ATXN8OS: variants seen among roughly 807,000 people sequenced by gnomAD.
The protein encoded by ATXN8OS is ATXN8 opposite strand lncRNA.
intron 4 of ATXN8OS, among the ~76,000 whole-genome samples, chr13:70,160,849 ATATTTT>A (rs1218302206): frequency 6.9e-6 from 1 of 144,506 alleles, no homozygotes; most frequent in Non-Finnish European, 1.5e-5. Context: ...AAATATATTT[ATATTTT>A]ATGTCTCTTT....
upstream of ATXN8OS, chr13:70,107,519 C>T (rs781731142): frequency 6.2e-7 from 1 of 1,611,988 alleles, no homozygotes; most frequent in Admixed American, 1.7e-5. Flanking sequence ...CCGCTTCTCT[C>T]TTGGCTTTTG....
Position 70,136,592 on chromosome 13 carries a change from G to A in ATXN8OS, n.499+6708G>A, listed in dbSNP as rs79010687. Among the ~76,000 whole-genome samples the A allele has an allele frequency of 4.3e-3, 648 of 152,018 alleles. 4 individuals carry two copies. Among genetic ancestry groups the A allele is most frequent in the African/African-American group, 0.015 (613 of 41,502 alleles). On this transcript the variant is annotated intron_variant and non_coding_transcript_variant, in intron 3 of 4. Transcript: ENST00000678624. ...AATTTTAAAAATCTCCTCGTATTCA[G>A]GAAATCATCAAGACCGCTAGCAGGA...
intron 3 of ATXN8OS, chr13:70,139,513 C>T (rs997809353): frequency 3.8e-6 from 2 of 526,292 alleles, no homozygotes; most frequent in Non-Finnish European, 6.7e-6. Flanking sequence ...TACTGCTTAT[C>T]TCTTACTTAA....
chr13:70,148,358 A>G (rs570066302), intron 4 of ATXN8OS, among the ~76,000 whole-genome samples: 160 of 152,200 alleles, frequency 1.1e-3, no homozygotes, highest in Non-Finnish European at 2.0e-3. Flanking sequence ...GTCGGGTTGG[A>G]CTTGGCATCT....
chr13:70,135,612 T>C (rs2137487012), intron 3 of ATXN8OS, among the ~76,000 whole-genome samples: 1 of 151,686 alleles, frequency 6.6e-6, no homozygotes, highest in East Asian at 1.9e-4. Context: ...ATAATTTACA[T>C]GGGTCCATAT....
chr13:70,126,797 T>C (rs1198538014), intron 2 of ATXN8OS, among the ~76,000 whole-genome samples: 1 of 151,792 alleles, frequency 6.6e-6, no homozygotes, highest in Non-Finnish European at 1.5e-5. Flanking sequence ...TATCTAGATC[T>C]ATATCTACAA....
chr13:70,169,548 C>G (rs910521252), intron 4 of ATXN8OS, among the ~76,000 whole-genome samples: 4 of 152,060 alleles, frequency 2.6e-5, no homozygotes, highest in African/African-American at 9.7e-5. Context: ...CCCGCTCGGC[C>G]TCCCAAAGTG....
intron 4 of ATXN8OS, among the ~76,000 whole-genome samples, chr13:70,165,067 G>A (rs532635150): frequency 3.3e-5 from 5 of 151,828 alleles, no homozygotes; most frequent in African/African-American, 9.6e-5. Flanking sequence ...TGGATTTACA[G>A]GCTTCAAAAA....
intron 4 of ATXN8OS, among the ~76,000 whole-genome samples, chr13:70,161,845 T>C (rs561263880): frequency 6.6e-6 from 1 of 152,120 alleles, no homozygotes; most frequent in Non-Finnish European, 1.5e-5. Context: ...TTAATAATAG[T>C]GTTTCAATAT....
chr13:70,171,523 A>T (rs921571172), exon 5 of ATXN8OS, among the ~76,000 whole-genome samples: 1 of 152,162 alleles, frequency 6.6e-6, no homozygotes, highest in Non-Finnish European at 1.5e-5. Flanking sequence ...GCATCACCAC[A>T]AACACACCAG....
chr13:70,163,921 A>G (rs117727087), intron 4 of ATXN8OS, among the ~76,000 whole-genome samples: 3,507 of 151,326 alleles, frequency 0.023, 62 homozygotes, highest in African/African-American at 0.041. Context: ...TAGAATAAAT[A>G]TATGACAGAT....
At chr13:70,123,091 C>T (rs1475592984) in intron 2 of ATXN8OS, among the ~76,000 whole-genome samples, 3 of 152,060 alleles carry the variant, frequency 2.0e-5, no homozygotes, top group East Asian at 1.9e-4. Flanking sequence ...CTTCCTATAT[C>T]CTGTCTCTAA....
intron 4 of ATXN8OS, among the ~76,000 whole-genome samples, chr13:70,154,301 C>T (rs538231783): frequency 9.2e-5 from 14 of 152,138 alleles, no homozygotes; most frequent in African/African-American, 2.9e-4. Context: ...GTTAAAGCTT[C>T]GTTTTAAAAT....
intron 4 of ATXN8OS, among the ~76,000 whole-genome samples, chr13:70,166,044 A>C (rs1044838591): frequency 1.3e-5 from 2 of 152,112 alleles, no homozygotes; most frequent in Non-Finnish European, 2.9e-5. Flanking sequence ...GCATAAATAG[A>C]AAATGAGTGA....
At chr13:70,120,310 CA>C (rs1566592806) in intron 2 of ATXN8OS, among the ~76,000 whole-genome samples, 2 of 152,042 alleles carry the variant, frequency 1.3e-5, no homozygotes, top group Non-Finnish European at 2.9e-5. Flanking sequence ...AACTACTATA[CA>C]AAAAATAGAG....
intron 3 of ATXN8OS, among the ~76,000 whole-genome samples, chr13:70,141,962 C>A (rs1004522682): frequency 2.0e-5 from 3 of 152,124 alleles, no homozygotes; most frequent in Non-Finnish European, 2.9e-5. Flanking sequence ...CGGCTCACTG[C>A]AACCTGCACC....
At chr13:70,132,989 T>C (rs17086457) in intron 3 of ATXN8OS, among the ~76,000 whole-genome samples, 24,113 of 152,210 alleles carry the variant, frequency 0.16, 2,107 homozygotes, top group East Asian at 0.24. Flanking sequence ...CTAAAATCTC[T>C]ACAGCCAGGG....
rs532120010 is a variant in ATXN8OS, at chr13:70,126,651, A to G, written n.399-3133A>G. Among the ~76,000 whole-genome samples the G allele has an allele frequency of 2.7e-4, 41 of 151,912 alleles. No homozygotes were observed. In the South Asian group the frequency reaches 7.7e-3, roughly 28 times the overall value. On this transcript the variant is annotated intron_variant and non_coding_transcript_variant, in intron 2 of 4. Transcript: ENST00000678624. ...ATCTTACATGGGCAGGTAGATAGAT[A>G]TATCTATAGGCAGATAGCTATGTCT...
chr13:70,139,013 A>G (rs1888657613), intron 3 of ATXN8OS, among the ~76,000 whole-genome samples: 1 of 152,188 alleles, frequency 6.6e-6, no homozygotes, highest in African/African-American at 2.4e-5. Flanking sequence ...AATATGCAGT[A>G]TGAATTGCAT....
Sources: allele counts gnomAD v4.1 joint callset (sites outside exome capture counted in the v4.1 genomes callset), GRCh38; gene constraint gnomAD v4.1.1; transcripts MANE v1.5; gene names NCBI Gene and HGNC (gene_info 2026-07-23, HGNC 2026-07-21).